Variants in ATP8A2 observed in about 807,000 individuals in gnomAD.
ATP8A2 encodes the protein ATPase phospholipid transporting 8A2.
A neutral mutation model predicts 165.6 loss-of-function variants in ATP8A2; 100 were observed. The observed-to-expected ratio is 0.60, with a 90% confidence interval of 0.51 to 0.71. The LOEUF (loss-of-function observed/expected upper bound fraction) is 0.71, where lower values mean the gene tolerates loss of function less well. Ranked by LOEUF, ATP8A2 falls within the 30% of genes least tolerant of loss-of-function variation. The pLI is 0.00. For synonymous variants in ATP8A2, 543 were observed against 548.8 expected, an observed-to-expected ratio of 0.99 and a Z score of 0.15; for missense variants, 1,227 against 1,479.5, an observed-to-expected ratio of 0.83 and a Z score of 2.80.
At chr13:25,929,802 C>A (rs1306035547) in intron 33 of ATP8A2, among the ~76,000 whole-genome samples, 4 of 152,124 alleles carry the variant, frequency 2.6e-5, no homozygotes, top group Non-Finnish European at 4.4e-5. Context: ...CAAACCTGGG[C>A]AACAGAGCGA....
At chr13:25,686,783 C>T (rs553011590) in intron 24 of ATP8A2, among the ~76,000 whole-genome samples, 2 of 152,260 alleles carry the variant, frequency 1.3e-5, no homozygotes, top group African/African-American at 4.8e-5. Context: ...TCTCAGTCTT[C>T]TTGACTGCGG....
At chr13:25,686,989 A>G (rs1006635519) in intron 24 of ATP8A2, among the ~76,000 whole-genome samples, 1 of 152,140 alleles carries the variant, frequency 6.6e-6, no homozygotes, top group Non-Finnish European at 1.5e-5. Context: ...TCGATGTTTC[A>G]TGACTGCTTA....
At position 25,989,597 on chromosome 13, in the gene ATP8A2, G is replaced by T. The variant is rs139184377; in HGVS notation, c.3377+20918G>T. ...AAATTATATTCCAGCCCAAAGCCTT[G>T]CTTCAGAAACTCTCCTTAATGCCTG... is the stretch of plus-strand genomic sequence containing the variant. On this transcript the variant is annotated intron_variant, in intron 35 of 36. Transcript: ENST00000381655. 6.4e-3 allele frequency among the ~76,000 whole-genome samples: 971 copies of T among 152,198 alleles called. 5 individuals carry two copies. Among genetic ancestry groups the T allele is most frequent in the Middle Eastern group, 0.027 (8 of 294 alleles).
intron 1 of ATP8A2, among the ~76,000 whole-genome samples, chr13:25,419,901 T>A (rs1566118847): frequency 6.6e-6 from 1 of 151,968 alleles, no homozygotes; most frequent in Non-Finnish European, 1.5e-5. Flanking sequence ...TTTCTGACAA[T>A]GCACATGCAG....
intron 1 of ATP8A2, among the ~76,000 whole-genome samples, chr13:25,398,422 TTTCAGTAC>T (rs1284154153): frequency 6.6e-5 from 10 of 152,178 alleles, no homozygotes; most frequent in Non-Finnish European, 1.2e-4. Flanking sequence ...TGAGCTAGTT[TTTCAGTAC>T]TTCTTGGAAT....
At chr13:25,994,701 G>T (rs1956462570) in intron 35 of ATP8A2, among the ~76,000 whole-genome samples, 3 of 151,828 alleles carry the variant, frequency 2.0e-5, no homozygotes, top group Non-Finnish European at 4.4e-5. Context: ...TCTGAATATT[G>T]AACCATCCTT....
intron 2 of ATP8A2, among the ~76,000 whole-genome samples, chr13:25,514,541 C>T (rs1382990022): frequency 6.6e-6 from 1 of 152,172 alleles, no homozygotes; most frequent in East Asian, 1.9e-4. Flanking sequence ...CCTGGGAATA[C>T]TCCTGGCTGT....
At chr13:25,949,233 TCTGCATCC>T (rs566411124) in intron 33 of ATP8A2, among the ~76,000 whole-genome samples, 2 of 152,372 alleles carry the variant, frequency 1.3e-5, no homozygotes, top group South Asian at 4.1e-4. Flanking sequence ...AGCTTTAGTC[TCTGCATCC>T]CTGCACCTTC....
At chr13:25,929,262 G>C (rs986233604) in intron 33 of ATP8A2, among the ~76,000 whole-genome samples, 1 of 152,230 alleles carries the variant, frequency 6.6e-6, no homozygotes, top group Admixed American at 6.5e-5. Context: ...AGAGCTGGTG[G>C]GGGCTGCCTT....
At chr13:25,919,894 C>A (rs1022505175) in intron 33 of ATP8A2, among the ~76,000 whole-genome samples, 1 of 152,098 alleles carries the variant, frequency 6.6e-6, no homozygotes, top group Admixed American at 6.5e-5. Flanking sequence ...TCAGGCAGTG[C>A]CCCCACCTCA....
intron 10 of ATP8A2, 40 bp from the exon 11 acceptor site, chr13:25,551,298 T>C: frequency 6.3e-7 from 1 of 1,579,338 alleles, no homozygotes; most frequent in African/African-American, 1.3e-5. Flanking sequence ...GCCCCAAATC[T>C]GTTCTGTGAC....
chr13:25,571,204 C>T (rs2039458274), intron 17 of ATP8A2, among the ~76,000 whole-genome samples: 1 of 152,174 alleles, frequency 6.6e-6, no homozygotes, highest in Non-Finnish European at 1.5e-5. Context: ...TTTCCGCCTG[C>T]TGGGGAAGCT....
chr13:25,758,800 G>T (rs995712357), intron 25 of ATP8A2, among the ~76,000 whole-genome samples: 2 of 152,108 alleles, frequency 1.3e-5, no homozygotes, highest in Non-Finnish European at 2.9e-5. Flanking sequence ...TTTTAAAACA[G>T]TTTTACACAT....
intron 24 of ATP8A2, among the ~76,000 whole-genome samples, chr13:25,625,450 A>C (rs1193107003): frequency 2.6e-5 from 4 of 152,212 alleles, no homozygotes; most frequent in Non-Finnish European, 5.9e-5. Flanking sequence ...CTAGCTGCTA[A>C]TTGAGCCTTC....
intron 24 of ATP8A2, among the ~76,000 whole-genome samples, chr13:25,692,712 A>G (rs1298036297): frequency 6.6e-6 from 1 of 152,208 alleles, no homozygotes; most frequent in Non-Finnish European, 1.5e-5. Flanking sequence ...TCCTGAGATT[A>G]TAAGGTGGTA....
At chr13:25,500,661 C>T (rs2036827226) in intron 2 of ATP8A2, among the ~76,000 whole-genome samples, 1 of 152,120 alleles carries the variant, frequency 6.6e-6, no homozygotes, top group Non-Finnish European at 1.5e-5. Flanking sequence ...TCTTGGCTTA[C>T]CCCAACCTCC....
chr13:25,991,146 G>A (rs1027909170), intron 35 of ATP8A2, among the ~76,000 whole-genome samples: 26 of 152,090 alleles, frequency 1.7e-4, no homozygotes, highest in Non-Finnish European at 1.3e-4. Context: ...CTCCCCACCC[G>A]CTTTAAAGGA....
intron 24 of ATP8A2, among the ~76,000 whole-genome samples, chr13:25,693,773 T>A (rs2042778893): frequency 1.3e-5 from 2 of 152,188 alleles, no homozygotes. Context: ...CACTGCAACC[T>A]CTGCCTCCCA....
At chr13:25,626,973 C>T (rs2041117563) in intron 24 of ATP8A2, among the ~76,000 whole-genome samples, 1 of 152,030 alleles carries the variant, frequency 6.6e-6, no homozygotes, top group Non-Finnish European at 1.5e-5. Context: ...GGAAACTGCC[C>T]CTATGGTTTA....
Sources: gnomAD v4.1 joint callset for allele counts (sites outside exome capture counted in the v4.1 genomes callset) on GRCh38, gnomAD v4.1.1 for gene constraint, MANE v1.5 for transcripts, NCBI Gene and HGNC (gene_info 2026-07-23, HGNC 2026-07-21) for gene names.